ABTB2: variants seen among roughly 807,000 people sequenced by gnomAD.
The protein encoded by ABTB2 is ankyrin repeat and BTB/POZ domain-containing protein 2.
In ABTB2, 56 loss-of-function variants were observed where a neutral mutation model predicts 104.1. That is an observed-to-expected ratio of 0.54 (90% CI 0.43 to 0.67). The LOEUF is 0.67. Among genes scored for constraint, ABTB2 ranks in the 30% least tolerant of loss-of-function variants. The probability of loss-of-function intolerance (pLI) is 0.00; values close to 1 mark genes in which losing one functional copy is unlikely to be tolerated. For missense variants in ABTB2, 1,279 were observed against 1,407.7 expected, an observed-to-expected ratio of 0.91 and a Z score of 1.46; for synonymous variants, 606 against 608.2, an observed-to-expected ratio of 1.00 and a Z score of 0.05.
At chr11:34,330,095 A>G (rs1482951960) in intron 1 of ABTB2, among the ~76,000 whole-genome samples, 1 of 152,188 alleles carries the variant, frequency 6.6e-6, no homozygotes, top group Non-Finnish European at 1.5e-5. Flanking sequence ...GTAACGACAA[A>G]GCACTGATCT....
chr11:34,308,283 C>G (rs1366034019), intron 1 of ABTB2, among the ~76,000 whole-genome samples: 1 of 152,214 alleles, frequency 6.6e-6, no homozygotes, highest in Non-Finnish European at 1.5e-5. Context: ...CATAACAAGT[C>G]CTCAAAACAG....
At chr11:34,298,298 C>T (rs1854651358) in intron 1 of ABTB2, among the ~76,000 whole-genome samples, 1 of 151,976 alleles carries the variant, frequency 6.6e-6, no homozygotes, top group African/African-American at 2.4e-5. Context: ...ACCAACCAGA[C>T]TCAATCATTC....
chr11:34,329,756 A>C (rs1855108436), intron 1 of ABTB2, among the ~76,000 whole-genome samples: 1 of 152,218 alleles, frequency 6.6e-6, no homozygotes, highest in Non-Finnish European at 1.5e-5. Flanking sequence ...ACAGGGTCCC[A>C]AAGGTACCAG....
chr11:34,258,007 A>G (rs1854143849), intron 1 of ABTB2, among the ~76,000 whole-genome samples: 1 of 152,168 alleles, frequency 6.6e-6, no homozygotes, highest in South Asian at 2.1e-4. Flanking sequence ...AGTCTCCCTG[A>G]GTCCCCAGCC....
chr11:34,217,106 T>C (rs7114749), intron 1 of ABTB2, among the ~76,000 whole-genome samples: 8,590 of 152,326 alleles, frequency 0.056, 820 homozygotes, highest in African/African-American at 0.19. Context: ...CTCTAAGCTG[T>C]TATTCTGGAC....
chr11:34,355,088 T>G (rs1441448397), intron 1 of ABTB2, among the ~76,000 whole-genome samples: 1 of 152,228 alleles, frequency 6.6e-6, no homozygotes, highest in Non-Finnish European at 1.5e-5. Context: ...CAGATGCTCT[T>G]CAATTCCCAG....
intron 1 of ABTB2, among the ~76,000 whole-genome samples, chr11:34,297,051 G>A (rs1485091851): frequency 2.0e-5 from 3 of 152,184 alleles, no homozygotes; most frequent in Non-Finnish European, 4.4e-5. Flanking sequence ...TATACATACA[G>A]TGTAGCCAGA....
At chr11:34,350,222 A>G (rs1010013218) in intron 1 of ABTB2, among the ~76,000 whole-genome samples, 1 of 151,842 alleles carries the variant, frequency 6.6e-6, no homozygotes, top group East Asian at 1.9e-4. Flanking sequence ...GCCGGACACC[A>G]TGGGGGACTC....
intron 1 of ABTB2, among the ~76,000 whole-genome samples, chr11:34,280,411 A>G (rs74541200): frequency 0.04 from 6,137 of 152,160 alleles, 426 homozygotes; most frequent in African/African-American, 0.14. Context: ...CACTGTACCC[A>G]TTCAGAAAAT....
At chr11:34,326,461 T>TA (rs971991548) in intron 1 of ABTB2, among the ~76,000 whole-genome samples, 2 of 151,886 alleles carry the variant, frequency 1.3e-5, no homozygotes, top group Non-Finnish European at 2.9e-5. Flanking sequence ...CCATCTCTAC[T>TA]AAAAATATTA....
intron 1 of ABTB2, among the ~76,000 whole-genome samples, chr11:34,291,016 C>A (rs2133092758): frequency 6.6e-6 from 1 of 152,360 alleles, no homozygotes; most frequent in South Asian, 2.1e-4. Flanking sequence ...CTGTGCAAAT[C>A]TGAAAGCCTT....
intron 9 of ABTB2, 137 bp from the exon 10 acceptor site, chr11:34,162,942 C>CA: frequency 1.2e-6 from 1 of 822,830 alleles, no homozygotes; most frequent in Non-Finnish European, 1.9e-6. Context: ...GGTCTTCCTC[C>CA]TCCAGGCAGG....
chr11:34,171,810 C>T (rs1325375873), intron 4 of ABTB2, among the ~76,000 whole-genome samples: 4 of 152,294 alleles, frequency 2.6e-5, no homozygotes, highest in African/African-American at 9.6e-5. Context: ...TCTACATTCT[C>T]TCTCTTTAAG....
chr11:34,357,612 A>G lies in ABTB2; in HGVS notation c.-29T>C. ...GAGCCTGCCGAGGGCGGCGTCGCCG[A>G]GCGAGGGGCACTCACAACTCCATGC... On this transcript the variant is annotated 5_prime_UTR_variant, in exon 1 of 17. Transcript: ENST00000435224. The G allele has an allele frequency of 6.7e-7, 1 of 1,484,504 alleles. No individual in the cohort carries two copies. Among genetic ancestry groups the G allele is most frequent in the Non-Finnish European group, 9.0e-7 (1 of 1,116,088 alleles). The allele number at this position is 1,484,504 out of a possible 1,614,324, so 92.0% of individuals were successfully genotyped here.
chr11:34,160,419 C>G (rs574804053), intron 11 of ABTB2, 66 bp from the exon 12 acceptor site: 1 of 1,167,680 alleles, frequency 8.6e-7, no homozygotes, highest in Non-Finnish European at 1.3e-6. Context: ...GATGCAGATA[C>G]GTCAGGCTAA....
At chr11:34,337,319 C>CAG in intron 1 of ABTB2, among the ~76,000 whole-genome samples, 1 of 152,268 alleles carries the variant, frequency 6.6e-6, no homozygotes, top group African/African-American at 2.4e-5. Context: ...ACAACACAGA[C>CAG]AGCCTTAGGA....
At chr11:34,166,577 T>C (rs1011887104) in intron 7 of ABTB2, among the ~76,000 whole-genome samples, 7 of 152,222 alleles carry the variant, frequency 4.6e-5, no homozygotes, top group African/African-American at 1.4e-4. Flanking sequence ...TCTTGCAACC[T>C]AGTGGGGAGC....
intron 3 of ABTB2, among the ~76,000 whole-genome samples, chr11:34,195,094 C>CG (rs1769567502): frequency 1.1e-4 from 3 of 27,872 alleles, no homozygotes; most frequent in African/African-American, 1.9e-4. Context: ...GGAGTGGGGG[C>CG]GGGAGAAAGT....
intron 1 of ABTB2, among the ~76,000 whole-genome samples, chr11:34,354,779 C>T (rs1265826243): frequency 6.6e-6 from 1 of 152,208 alleles, no homozygotes; most frequent in Admixed American, 6.5e-5. Context: ...TTTACAGTTC[C>T]ACCCTTATTC....
Sources: gnomAD v4.1 joint callset for allele counts (sites outside exome capture counted in the v4.1 genomes callset) on GRCh38, gnomAD v4.1.1 for gene constraint, MANE v1.5 for transcripts, NCBI Gene and HGNC (gene_info 2026-07-23, HGNC 2026-07-21) for gene names.